CADM1: variants seen among roughly 807,000 people sequenced by gnomAD.
CADM1 encodes cell adhesion molecule 1, also known as TSLC-1.
Under a neutral mutation model 53.1 loss-of-function variants are expected in CADM1, and 15 were observed. The observed-to-expected ratio is 0.28, with a 90% CI of 0.19 to 0.44. The LOEUF (loss-of-function observed/expected upper bound fraction) is 0.44, where lower values mean the gene tolerates loss of function less well. Ranked by LOEUF, CADM1 falls within the 20% of genes least tolerant of loss-of-function variation. The pLI is 1.00. For missense variants in CADM1, 434 were observed against 611.3 expected (o/e 0.71, Z 3.06); for synonymous variants, 281 against 243.0 (o/e 1.16, Z -1.45).
At chr11:115,221,570 C>A (rs992467596) in intron 5 of CADM1, among the ~76,000 whole-genome samples, 1 of 152,154 alleles carries the variant, frequency 6.6e-6, no homozygotes, top group African/African-American at 2.4e-5. Context: ...GGGTTGCTGG[C>A]AGATTACAAT....
chr11:115,227,328 G>A (rs541689951), intron 5 of CADM1, among the ~76,000 whole-genome samples: 1 of 152,304 alleles, frequency 6.6e-6, no homozygotes, highest in Admixed American at 6.5e-5. Context: ...GTTTTCCAAG[G>A]AGTAGGAGGT....
intron 1 of CADM1, among the ~76,000 whole-genome samples, chr11:115,408,873 A>C (rs1424596538): frequency 6.6e-6 from 1 of 152,210 alleles, no homozygotes; most frequent in Non-Finnish European, 1.5e-5. Flanking sequence ...TATTGGCAGG[A>C]ACCTCAAGAT....
At chr11:115,450,719 T>C (rs184157202) in intron 1 of CADM1, among the ~76,000 whole-genome samples, 22 of 152,350 alleles carry the variant, frequency 1.4e-4, no homozygotes, top group Admixed American at 1.4e-3. Flanking sequence ...TCTCATGGAA[T>C]GGAAAATGGC....
At chr11:115,392,022 A>G (rs1330315629) in intron 1 of CADM1, among the ~76,000 whole-genome samples, 1 of 152,214 alleles carries the variant, frequency 6.6e-6, no homozygotes, top group Non-Finnish European at 1.5e-5. Flanking sequence ...AAATATTTCT[A>G]TACAAGAAAA....
intron 1 of CADM1, among the ~76,000 whole-genome samples, chr11:115,362,022 G>C (rs902339111): frequency 6.6e-6 from 1 of 152,122 alleles, no homozygotes; most frequent in African/African-American, 2.4e-5. Flanking sequence ...TTACAGGCGA[G>C]AGCCACAGCA....
chr11:115,420,661 C>T (rs1947731069), intron 1 of CADM1, among the ~76,000 whole-genome samples: 1 of 152,158 alleles, frequency 6.6e-6, no homozygotes, highest in South Asian at 2.1e-4. Context: ...CCCAGAGGAC[C>T]TGACTACATG....
intron 8 of CADM1, among the ~76,000 whole-genome samples, chr11:115,202,845 T>G (rs578150223): frequency 1.6e-3 from 227 of 145,012 alleles, no homozygotes; most frequent in African/African-American, 6.2e-3. Flanking sequence ...ATTAAATATA[T>G]GGTGGGTTTT....
At chr11:115,185,811 C>T (rs1333790806) in intron 10 of CADM1, among the ~76,000 whole-genome samples, 3 of 152,150 alleles carry the variant, frequency 2.0e-5, no homozygotes, top group Non-Finnish European at 2.9e-5. Flanking sequence ...GGACAGTTGT[C>T]GAGTATTTCC....
chr11:115,238,423 A>G lies in CADM1; in HGVS notation c.424+77T>C, dbSNP rs1329754869. 2.0e-6 allele frequency: 3 copies of G among 1,475,910 alleles called. No individual in the cohort carries two copies. The East Asian group carries it at 6.8e-5, about 33-fold the overall frequency. 91.4% of individuals were successfully genotyped at this position (1,475,910 alleles called of 1,614,324 possible). ...ACAAGTTTGAACAGGAGAATTCACC[A>G]TTAACCTTTTCCTTGCTGCTGTAAA... On this transcript the variant is annotated intron_variant, in intron 3 of 11. Coordinates refer to ENST00000331581, the MANE Select transcript of CADM1 (RefSeq NM_001301043.2).
intron 7 of CADM1, among the ~76,000 whole-genome samples, chr11:115,212,544 T>C (rs959463127): frequency 6.6e-6 from 1 of 152,318 alleles, no homozygotes; most frequent in East Asian, 1.9e-4. Flanking sequence ...TGTGTCTGCC[T>C]TTAACAGGTG....
intron 1 of CADM1, among the ~76,000 whole-genome samples, chr11:115,458,177 T>C (rs898075325): frequency 7.9e-5 from 12 of 152,072 alleles, no homozygotes; most frequent in African/African-American, 2.9e-4. Context: ...TTCAAAAGTA[T>C]AAATGCTCAT....
chr11:115,415,115 T>C (rs1367850695), intron 1 of CADM1, among the ~76,000 whole-genome samples: 2 of 152,218 alleles, frequency 1.3e-5, no homozygotes, highest in African/African-American at 2.4e-5. Flanking sequence ...AGTTAAAATA[T>C]GGAGTGGTTG....
chr11:115,485,059 C>G (rs1949344335), intron 1 of CADM1, among the ~76,000 whole-genome samples: 1 of 152,110 alleles, frequency 6.6e-6, no homozygotes, highest in Non-Finnish European at 1.5e-5. Context: ...CTTAAATAAC[C>G]TCTTCCCCAG....
intron 6 of CADM1, among the ~76,000 whole-genome samples, chr11:115,217,433 G>A (rs1276913251): frequency 1.3e-5 from 2 of 152,230 alleles, no homozygotes; most frequent in East Asian, 3.9e-4. Flanking sequence ...TTTCTTTGAG[G>A]GAAGAAGATG....
At chr11:115,447,878 G>A (rs1948486561) in intron 1 of CADM1, among the ~76,000 whole-genome samples, 1 of 152,140 alleles carries the variant, frequency 6.6e-6, no homozygotes, top group Non-Finnish European at 1.5e-5. Context: ...AATACTACCT[G>A]GATCTCAGCT....
At chr11:115,207,339 A>T (rs976248755) in intron 8 of CADM1, 2 of 152,194 alleles carry the variant, frequency 1.3e-5, no homozygotes, top group Non-Finnish European at 2.9e-5. Flanking sequence ...GACAGAAGCA[A>T]AGACAAGTTT....
At position 115,328,558 on chromosome 11, in the gene CADM1, T is replaced by G. The variant is rs569784891; in HGVS notation, c.125-88138A>C. Among the ~76,000 whole-genome samples the G allele has an allele frequency of 7.3e-4, 110 of 149,734 alleles. 1 individual carries two copies. Among genetic ancestry groups the G allele is most frequent in the African/African-American group, 2.4e-3 (100 of 40,944 alleles). On this transcript the variant is annotated intron_variant, in intron 1 of 11. Transcript: ENST00000331581. ...CAAGGCAATACCTTATGTGCTAAAT[T>G]CCCTTGTCTGCCTACATCACAGAGT...
intron 1 of CADM1, among the ~76,000 whole-genome samples, chr11:115,401,722 A>G (rs978138988): frequency 6.6e-6 from 1 of 152,214 alleles, no homozygotes; most frequent in Non-Finnish European, 1.5e-5. Flanking sequence ...AATGATGAAT[A>G]TGTGTCATTA....
chr11:115,421,759 T>C (rs1332492403), intron 1 of CADM1, among the ~76,000 whole-genome samples: 1 of 152,210 alleles, frequency 6.6e-6, no homozygotes, highest in Admixed American at 6.5e-5. Context: ...CATGTTTCTC[T>C]CAAGCACAGT....
Sources: gnomAD v4.1 joint callset for allele counts (sites outside exome capture counted in the v4.1 genomes callset) on GRCh38, gnomAD v4.1.1 for gene constraint, MANE v1.5 for transcripts, NCBI Gene and HGNC (gene_info 2026-07-23, HGNC 2026-07-21) for gene names.